The following XXYLT1 variants were observed in gnomAD, a reference collection of about 807,000 sequenced individuals.
The protein encoded by XXYLT1 is UDP-xylose:alpha-xyloside alpha-1,3-xylosyltransferase.
XXYLT1 carries 20 observed loss-of-function variants against 28.9 expected under a neutral mutation model. That is an observed-to-expected ratio of 0.69 (90% confidence interval 0.49 to 1.00). XXYLT1 has a LOEUF of 1.00. Among genes scored for constraint, XXYLT1 ranks in the 50% least tolerant of loss-of-function variants. XXYLT1 has a pLI of 0.00. For synonymous variants in XXYLT1, 257 were observed against 253.8 expected, an observed-to-expected ratio of 1.01 and a Z score of -0.12; for missense variants, 542 against 560.1, an observed-to-expected ratio of 0.97 and a Z score of 0.33.
intron 1 of XXYLT1, among the ~76,000 whole-genome samples, chr3:195,263,093 C>T (rs1285788123): frequency 3.3e-5 from 5 of 152,212 alleles, no homozygotes; most frequent in Admixed American, 6.5e-5. Flanking sequence ...ATCAATGAGA[C>T]AGCCAGCATC....
Position 195,158,305 on chromosome 3 carries a change from G to A in XXYLT1, c.653-1724C>T, listed in dbSNP as rs558679580. Among the ~76,000 whole-genome samples the A allele has an allele frequency of 8.5e-5, 13 of 152,276 alleles. No individual in the cohort carries two copies. In the East Asian group the frequency reaches 1.5e-3, roughly 18 times the overall value. ...TGCCTGCCTGTGGTCATGGCCACCCGCGTACCTGTCTCACCACCCTTCTGG... is the reference window on the plus strand; with the variant it reads ...TGCCTGCCTGTGGTCATGGCCACCCACGTACCTGTCTCACCACCCTTCTGG... On this transcript the variant is annotated intron_variant, in intron 2 of 3. Transcript: ENST00000310380.
chr3:195,206,317 T>C (rs530658781), intron 2 of XXYLT1, among the ~76,000 whole-genome samples: 1 of 151,480 alleles, frequency 6.6e-6, no homozygotes, highest in African/African-American at 2.4e-5. Flanking sequence ...GCCTAAAGTT[T>C]AATTTTGAAA....
chr3:195,185,041 A>G (rs1722115280), intron 2 of XXYLT1, among the ~76,000 whole-genome samples: 1 of 151,364 alleles, frequency 6.6e-6, no homozygotes, highest in Admixed American at 6.6e-5. Context: ...ACAGCTCCAC[A>G]AATGACCTCA....
At chr3:195,193,431 G>A (rs1450770481) in intron 2 of XXYLT1, among the ~76,000 whole-genome samples, 4 of 152,206 alleles carry the variant, frequency 2.6e-5, no homozygotes, top group Non-Finnish European at 1.5e-5. Context: ...GACATTTCAT[G>A]TTCATGCATT....
intron 2 of XXYLT1, among the ~76,000 whole-genome samples, chr3:195,202,654 T>A (rs1722909339): frequency 6.6e-6 from 1 of 152,162 alleles, no homozygotes; most frequent in African/African-American, 2.4e-5. Context: ...CTGGGACCCC[T>A]AAGAATACTT....
intron 3 of XXYLT1, among the ~76,000 whole-genome samples, chr3:195,106,289 G>T (rs1177877669): frequency 8.3e-6 from 1 of 120,076 alleles, no homozygotes; most frequent in African/African-American, 3.4e-5. Flanking sequence ...CTGTGTTTTT[G>T]ACGGAGAGAT....
intron 3 of XXYLT1, among the ~76,000 whole-genome samples, chr3:195,136,688 C>T (rs1053149814): frequency 2.6e-5 from 4 of 152,108 alleles, no homozygotes; most frequent in East Asian, 3.9e-4. Context: ...GCACACAGGA[C>T]GACAGCACTG....
chr3:195,100,342 A>G (rs1181818399), intron 3 of XXYLT1, among the ~76,000 whole-genome samples: 2 of 152,164 alleles, frequency 1.3e-5, no homozygotes, highest in Non-Finnish European at 2.9e-5. Context: ...GAAGCCAGGT[A>G]CAGCAGGAGT....
intron 1 of XXYLT1, among the ~76,000 whole-genome samples, chr3:195,250,457 G>C (rs572984099): frequency 6.6e-6 from 1 of 152,056 alleles, no homozygotes; most frequent in African/African-American, 2.4e-5. Context: ...CTAGCTACTT[G>C]GGAGGCTGAG....
At chr3:195,140,158 A>G (rs1719408924) in intron 3 of XXYLT1, among the ~76,000 whole-genome samples, 1 of 152,242 alleles carries the variant, frequency 6.6e-6, no homozygotes, top group African/African-American at 2.4e-5. Context: ...ATCAATGGTG[A>G]CAATAAAGCA....
At chr3:195,187,378 T>C (rs1272162463) in intron 2 of XXYLT1, among the ~76,000 whole-genome samples, 2 of 152,182 alleles carry the variant, frequency 1.3e-5, no homozygotes, top group African/African-American at 4.8e-5. Flanking sequence ...AAGCTTTGCT[T>C]CTCACTCCTC....
chr3:195,245,744 G>T (rs929041090), intron 1 of XXYLT1, among the ~76,000 whole-genome samples: 2 of 152,190 alleles, frequency 1.3e-5, no homozygotes, highest in Admixed American at 6.5e-5. Flanking sequence ...CATCTCCTTG[G>T]ATGTGAGTTA....
At chr3:195,074,443 C>T (rs906905367) in intron 3 of XXYLT1, among the ~76,000 whole-genome samples, 7 of 152,150 alleles carry the variant, frequency 4.6e-5, no homozygotes, top group African/African-American at 1.7e-4. Flanking sequence ...ACGTGATTTC[C>T]CTCATACCCA....
At chr3:195,116,743 T>C (rs537301456) in intron 3 of XXYLT1, among the ~76,000 whole-genome samples, 2 of 152,250 alleles carry the variant, frequency 1.3e-5, no homozygotes, top group South Asian at 4.1e-4. Context: ...GCTGACCATC[T>C]CCAGGACCAG....
intron 2 of XXYLT1, among the ~76,000 whole-genome samples, chr3:195,157,489 C>G (rs1030815590): frequency 3.3e-5 from 5 of 152,200 alleles, no homozygotes; most frequent in African/African-American, 1.2e-4. Context: ...CCAGATTCTT[C>G]AATGTCACAA....
Position 195,195,793 on chromosome 3 carries a change from G to A in XXYLT1, c.652+30916C>T, listed in dbSNP as rs78022016. On this transcript the variant is annotated intron_variant, in intron 2 of 3. Coordinates refer to ENST00000310380, the MANE Select transcript of XXYLT1 (RefSeq NM_152531.5). This position sits in a 1 kb window ranked among gnomAD's most constrained non-coding sequence, Gnocchi z 4.4. ...TCCAGCAGGCTCACCCCTCTGGCCT[G>A]CAGGAGTTCAGCACCGCCAGCCACA... 0.015 allele frequency among the ~76,000 whole-genome samples: 2,274 copies of A among 152,236 alleles called. 59 individuals carry two copies. The highest frequency in any genetic ancestry group is 0.053 in the African/African-American group (2,184 of 41,514).
At chr3:195,081,977 G>C (rs1030528378) in intron 3 of XXYLT1, among the ~76,000 whole-genome samples, 3 of 152,242 alleles carry the variant, frequency 2.0e-5, no homozygotes, top group Non-Finnish European at 4.4e-5. Context: ...TTCTAGGCCA[G>C]GACTAGAAGC....
At chr3:195,107,965 T>C (rs1267581756) in intron 3 of XXYLT1, among the ~76,000 whole-genome samples, 1 of 152,204 alleles carries the variant, frequency 6.6e-6, no homozygotes, top group East Asian at 1.9e-4. Flanking sequence ...CAACCCATTT[T>C]ATCTGGCCAA....
intron 2 of XXYLT1, among the ~76,000 whole-genome samples, chr3:195,174,915 C>T (rs1397737229): frequency 6.6e-6 from 1 of 152,086 alleles, no homozygotes; most frequent in Non-Finnish European, 1.5e-5. Context: ...TGCCCAGCCA[C>T]AGTTGTACAT....
Sources: gnomAD v4.1 joint callset for allele counts (sites outside exome capture counted in the v4.1 genomes callset) on GRCh38, gnomAD v4.1.1 for gene constraint, Gnocchi (gnomAD v3.1) non-coding constraint, MANE v1.5 for transcripts, NCBI Gene and HGNC (gene_info 2026-07-23, HGNC 2026-07-21) for gene names.